MYH1: variants seen among roughly 807,000 people sequenced by gnomAD.
MYH1 encodes myosin heavy chain 1.
In MYH1, 214 loss-of-function variants were observed where a neutral mutation model predicts 225.6. The observed-to-expected ratio is 0.95, with a 90% CI of 0.85 to 1.06. The LOEUF is 1.06. Ranked by LOEUF, MYH1 falls within the 50% of genes least tolerant of loss-of-function variation. The probability of loss-of-function intolerance (pLI) is 0.00; values close to 1 mark genes in which losing one functional copy is unlikely to be tolerated. For synonymous variants in MYH1, 774 were observed against 842.3 expected (o/e 0.92, Z 1.40); for missense variants, 2,098 against 2,344.2 (o/e 0.89, Z 2.17).
At chr17:10,508,335 G>A in intron 16 of MYH1, 28 bp downstream of exon 16, 1 of 1,562,582 alleles carries the variant, frequency 6.4e-7, no homozygotes. Context: ...TATACATTAG[G>A]TAAAAGATTA....
At chr17:10,507,192 A>G (rs1357233207) in intron 17 of MYH1, among the ~76,000 whole-genome samples, 1 of 151,944 alleles carries the variant, frequency 6.6e-6, no homozygotes, top group Non-Finnish European at 1.5e-5. Flanking sequence ...CCTCCTGAGT[A>G]GCTGGGATTA....
chr17:10,504,922 A>C lies in MYH1; in HGVS notation c.2579T>G (p.Phe860Cys), dbSNP rs2073093906. 1.9e-5 allele frequency: 30 copies of C among 1,613,958 alleles called. No homozygotes were observed. Among genetic ancestry groups the C allele is most frequent in the Non-Finnish European group, 2.5e-5 (30 of 1,179,992 alleles). Residue 860 changes from phenylalanine (F) to cysteine (C), a missense_variant, in exon 22 of 40, where the codon TTT (phenylalanine) becomes TGT (cysteine). Transcript: ENST00000226207. ...AGCCAGCTCTTCTTTGGTTTTCTCA[A>C]ATTCTTCCTTCATGTTGGCCATCTC... The part of the protein sequence containing the change: ...EKEMANMKEE[F>C]EKTKEELAKT...
chr17:10,500,418 A>C (rs1005445007), intron 28 of MYH1, among the ~76,000 whole-genome samples: 1 of 151,248 alleles, frequency 6.6e-6, no homozygotes, highest in Admixed American at 6.6e-5. Context: ...ATATGGATAT[A>C]TATGTTTCAT....
chr17:10,505,680 T>G, intron 19 of MYH1, 132 bp downstream of exon 19: 3 of 1,387,824 alleles, frequency 2.2e-6, no homozygotes, highest in Non-Finnish European at 2.9e-6. Context: ...TTTTCTTATG[T>G]CAATATGGAG....
intron 30 of MYH1, among the ~76,000 whole-genome samples, 171 bp from the exon 31 acceptor site, chr17:10,498,088 C>T (rs187465039): frequency 7.3e-4 from 111 of 152,348 alleles, no homozygotes; most frequent in Non-Finnish European, 1.1e-3. Flanking sequence ...CCACCAAATA[C>T]CAAAAACAAC....
chr17:10,492,846 G>T (rs201459210), intron 39 of MYH1, among the ~76,000 whole-genome samples: 9 of 146,538 alleles, frequency 6.1e-5, no homozygotes, highest in South Asian at 4.4e-4. Flanking sequence ...GTCCAGCTTT[G>T]TTTTTTTTTT....
At chr17:10,505,754 A>G in intron 19 of MYH1, 58 bp downstream of exon 19, 1 of 1,602,240 alleles carries the variant, frequency 6.2e-7, no homozygotes, top group Non-Finnish European at 8.5e-7. Context: ...CTTTCATTGA[A>G]AAATGTTTAA....
chr17:10,514,386 A>C (rs2073204925), intron 6 of MYH1, among the ~76,000 whole-genome samples: 1 of 152,238 alleles, frequency 6.6e-6, no homozygotes, highest in African/African-American at 2.4e-5. Context: ...GAGGGGTCTG[A>C]AAAGCAGCTA....
intron 17 of MYH1, among the ~76,000 whole-genome samples, chr17:10,506,707 G>C (rs374065638): frequency 6.9e-4 from 105 of 152,096 alleles, no homozygotes; most frequent in African/African-American, 2.5e-3. Context: ...TGGCCAGGCT[G>C]GTCTCGAACT....
At position 10,509,642 on chromosome 17, in the gene MYH1, T is replaced by G. The variant is rs1425718790; in HGVS notation, c.1430A>C (p.Glu477Ala). The G allele has an allele frequency of 6.2e-7, 1 of 1,614,104 alleles. No individual in the cohort carries two copies. The highest frequency in any genetic ancestry group is 8.5e-7 in the Non-Finnish European group (1 of 1,180,048). ...ATTGGTGAAGTTGATGCACAGCTGC[T>G]CCAGGCTGTTGAACTAAATGAGTTG... ...GFEIFDFNSL[E>A]QLCINFTNEK... Residue 477 changes from glutamate to alanine, a missense_variant, in exon 15 of 40, where the codon GAG (glutamate) becomes GCG (alanine). By Grantham distance (107) the Glu-to-Ala change is moderately radical. Transcript: ENST00000226207.
In MYH1 at chr17:10,495,255, C is replaced by T. The variant is rs749841668; in HGVS notation, c.5232G>A (p.Glu1744=). 3.1e-6 allele frequency: 5 copies of T among 1,614,182 alleles called. No individual in the cohort carries two copies. The East Asian group carries it at 6.7e-5, about 22-fold the overall frequency. The stretch of plus-strand genomic sequence containing the variant: ...GGGCTTCCTGGATGATGTCTTCCAT[C>T]TCTCCCTGGATTTGGGAAATGTCTG... ...LETDISQIQG[E]MEDIIQEARN... is the part of the protein sequence containing the mutation. The change falls in exon 36 of 40, where the codon GAG becomes GAA. Residue 1744 remains glutamate, a synonymous_variant. Transcript: ENST00000226207.
At chr17:10,511,748 T>C in intron 14 of MYH1, 91 bp downstream of exon 14, 1 of 1,595,878 alleles carries the variant, frequency 6.3e-7, no homozygotes, top group Non-Finnish European at 8.6e-7. Context: ...TCATAGACCC[T>C]TTCCATAAGT....
intron 14 of MYH1, among the ~76,000 whole-genome samples, chr17:10,511,040 C>T (rs1287146678): frequency 2.0e-5 from 3 of 150,874 alleles, no homozygotes; most frequent in Non-Finnish European, 4.4e-5. Flanking sequence ...TTTTCTGTTC[C>T]TGCTTGATGA....
Position 10,504,812 on chromosome 17 carries a change from C to T in MYH1, c.2689G>A (p.Ala897Thr). 1 of 1,613,850 alleles carries T rather than the reference C, an allele frequency of 6.2e-7. No individual in the cohort carries two copies. The highest frequency in any genetic ancestry group is 1.1e-5 in the South Asian group (1 of 91,046). Residue 897 changes from alanine to threonine, a missense_variant and splice_region_variant, in exon 22 of 40, where the codon GCT becomes ACT. Physicochemically the swap from Ala to Thr is moderately conservative, Grantham distance 58. Coordinates refer to ENST00000226207, the MANE Select transcript of MYH1 (RefSeq NM_005963.4). ...GGAAATGACTTCGGGATACTCACAG[C>T]TTGAACCTGGAGTTGCAAGTCATTT... The part of the protein sequence containing the change: ...EKNDLQLQVQ[A>T]EADSLADAEE...
In MYH1 at chr17:10,499,972, A is replaced by G. The variant is rs2073035035; in HGVS notation, c.3865+654T>C. ...AGTTGGACACGTCAGTAGGAGGGGG[A>G]ATAAATGCAGAGACTTTCCAATTTC... On this transcript the variant is annotated intron_variant, in intron 28 of 39. Coordinates refer to ENST00000226207, the MANE Select transcript of MYH1 (RefSeq NM_005963.4). 2.0e-5 allele frequency among the ~76,000 whole-genome samples: 3 copies of G among 152,284 alleles called. No individual in the cohort carries two copies. The South Asian group carries it at 6.2e-4, about 32-fold the overall frequency.
At chr17:10,495,374 C>G in intron 35 of MYH1, 57 bp from the exon 36 acceptor site, 1 of 1,586,964 alleles carries the variant, frequency 6.3e-7, no homozygotes, top group Non-Finnish European at 8.6e-7. Context: ...ATTAGGAAAC[C>G]TCATGTTCTA....
At chr17:10,515,564 T>C (rs1347744254) in intron 5 of MYH1, among the ~76,000 whole-genome samples, 1 of 152,210 alleles carries the variant, frequency 6.6e-6, no homozygotes, top group African/African-American at 2.4e-5. Context: ...AGGATTGAAC[T>C]CCTATTTTTC....
rs773538453 is a variant in MYH1 at position 10,501,369 on chromosome 17, G to A, written c.3479C>T (p.Ala1160Val). 2.5e-6 allele frequency: 4 copies of A among 1,614,058 alleles called. No homozygotes were observed. The highest frequency in any genetic ancestry group is 3.4e-6 in the Non-Finnish European group (4 of 1,180,036). Residue 1160 changes from alanine (A) to valine (V), a missense_variant, in exon 27 of 40, where the codon GCC becomes GTC. Ala to Val is a moderately conservative substitution (Grantham distance 64). Transcript: ENST00000226207. ...ISERLEEAGG[A>V]TSAQIEMNKK... ...GTTCATCTCAATCTGGGCTGAGGTG[G>A]CCCCACCGGCTTCTTCCAGCCTCTC...
Position 10,496,516 on chromosome 17 carries a change from G to T in MYH1, c.4690C>A (p.Arg1564Ser). 1.2e-6 allele frequency: 2 copies of T among 1,614,030 alleles called. No homozygotes were observed. Among genetic ancestry groups the T allele is most frequent in the Non-Finnish European group, 8.5e-7 (1 of 1,180,006 alleles). ...ACTTGGTTCAACTCAAGCTGGATGC[G>T]CAGGATCTTTCCCTCTTCATGTTCA... is the stretch of plus-strand genomic sequence containing the variant. ...SLEHEEGKILRIQLELNQVKS... is the reference protein window; with the variant it reads ...SLEHEEGKILSIQLELNQVKS... Residue 1564 changes from arginine (R) to serine (S), a missense_variant, in exon 34 of 40, where the codon CGC becomes AGC. Transcript: ENST00000226207.
Sources: allele counts gnomAD v4.1 joint callset (sites outside exome capture counted in the v4.1 genomes callset), GRCh38; gene constraint gnomAD v4.1.1; transcripts MANE v1.5; gene names NCBI Gene and HGNC (gene_info 2026-07-23, HGNC 2026-07-21).